The following TRHDE variants were observed in gnomAD, a reference collection of about 807,000 sequenced individuals.
The protein encoded by TRHDE is thyrotropin-releasing hormone-degrading ectoenzyme.
A neutral mutation model predicts 125.7 loss-of-function variants in TRHDE; 72 were observed. The ratio of observed to expected loss-of-function variants is 0.57; its 90% confidence interval spans 0.47 to 0.70. The LOEUF (loss-of-function observed/expected upper bound fraction) is 0.70. TRHDE is among the 30% of genes least tolerant of loss of function. The pLI is 0.00. For missense variants in TRHDE, 1,110 were observed against 1,327.1 expected, an observed-to-expected ratio of 0.84 and a Z score of 2.54; for synonymous variants, 509 against 509.1, an observed-to-expected ratio of 1.00 and a Z score of 0.00.
chr12:72,531,200 CTTAT>C (rs1354971054), intron 6 of TRHDE, among the ~76,000 whole-genome samples: 10 of 151,948 alleles, frequency 6.6e-5, no homozygotes, highest in Non-Finnish European at 1.0e-4. Flanking sequence ...TTAATTTATA[CTTAT>C]TTGTTTGTTA....
intron 2 of TRHDE, among the ~76,000 whole-genome samples, chr12:72,132,802 T>TAGACACTAC (rs1403054306): frequency 2.6e-5 from 4 of 152,152 alleles, no homozygotes; most frequent in Non-Finnish European, 5.9e-5. Flanking sequence ...GACAGACTGA[T>TAGACACTAC]AGACACTACA....
chr12:72,222,342 G>A (rs908336239), intron 2 of TRHDE, among the ~76,000 whole-genome samples: 4 of 152,074 alleles, frequency 2.6e-5, no homozygotes, highest in Non-Finnish European at 5.9e-5. Flanking sequence ...AATATAGCCT[G>A]CCACACTAAG....
intron 2 of TRHDE, among the ~76,000 whole-genome samples, chr12:72,200,388 G>A (rs1161309488): frequency 6.6e-6 from 1 of 152,104 alleles, no homozygotes; most frequent in African/African-American, 2.4e-5. Flanking sequence ...TCATAAGAGG[G>A]CTCCATTTAG....
Position 72,668,398 on chromosome 12 carries a change from CTAG to C in TRHDE, c.*5207_*5209del, listed in dbSNP as rs1875172275. ...AATAGGTTTTTCACCACTGGCCCCA[CTAG>C]TAGATGATTTTACCCCAGATTTTGA... On this transcript the variant is annotated 3_prime_UTR_variant, in exon 19 of 19. Coordinates refer to ENST00000261180, the MANE Select transcript of TRHDE (RefSeq NM_013381.3). The C allele has an allele frequency of 6.6e-6, 1 of 151,696 alleles. No individual in the cohort carries two copies. Among genetic ancestry groups the C allele is most frequent in the Non-Finnish European group, 1.5e-5 (1 of 67,760 alleles). 9.4% of individuals were successfully genotyped at this position (151,696 alleles called of 1,614,324 possible).
intron 2 of TRHDE, among the ~76,000 whole-genome samples, chr12:72,119,924 G>T (rs1875535424): frequency 6.6e-6 from 1 of 152,122 alleles, no homozygotes; most frequent in Non-Finnish European, 1.5e-5. Flanking sequence ...CTTTATAGGT[G>T]AAGTATGTTT....
chr12:72,101,049 T>G (rs1875055387), intron 1 of TRHDE, among the ~76,000 whole-genome samples: 1 of 152,196 alleles, frequency 6.6e-6, no homozygotes, highest in Non-Finnish European at 1.5e-5. Flanking sequence ...CTGACTAATT[T>G]GAATCTATTT....
chr12:72,534,692 A>G (rs771081469), intron 6 of TRHDE, among the ~76,000 whole-genome samples: 12 of 152,124 alleles, frequency 7.9e-5, no homozygotes, highest in Non-Finnish European at 1.5e-4. Flanking sequence ...TAATTCTAAG[A>G]AAAATTTTGA....
intron 2 of TRHDE, among the ~76,000 whole-genome samples, chr12:72,194,002 G>A (rs1877388878): frequency 6.6e-6 from 1 of 151,962 alleles, no homozygotes; most frequent in Non-Finnish European, 1.5e-5. Flanking sequence ...TAAAAATATT[G>A]TCATCTATTA....
chr12:72,561,500 G>A (rs1018172938), intron 7 of TRHDE, among the ~76,000 whole-genome samples: 1 of 152,148 alleles, frequency 6.6e-6, no homozygotes, highest in Non-Finnish European at 1.5e-5. Flanking sequence ...AGAACAAAGT[G>A]TGAATCGGAT....
At chr12:72,470,237 A>G (rs1353118455) in intron 4 of TRHDE, among the ~76,000 whole-genome samples, 1 of 152,196 alleles carries the variant, frequency 6.6e-6, no homozygotes, top group Non-Finnish European at 1.5e-5. Context: ...GTGTGTATAT[A>G]TGGTAAGTGC....
chr12:72,193,467 T>C (rs1877378655), intron 2 of TRHDE, among the ~76,000 whole-genome samples: 1 of 152,160 alleles, frequency 6.6e-6, no homozygotes. Flanking sequence ...GCTTTTTAAA[T>C]GTTAATCTTA....
At chr12:72,113,119 G>A (rs1224382180) in intron 2 of TRHDE, among the ~76,000 whole-genome samples, 1 of 152,120 alleles carries the variant, frequency 6.6e-6, no homozygotes, top group African/African-American at 2.4e-5. Context: ...CCAGGCTCAC[G>A]TGATCCTCCC....
At chr12:72,625,035 C>A (rs748338022) in intron 15 of TRHDE, among the ~76,000 whole-genome samples, 1 of 151,178 alleles carries the variant, frequency 6.6e-6, no homozygotes, top group Non-Finnish European at 1.5e-5. Flanking sequence ...TGCAAATAAG[C>A]AAGAAATAAT....
At chr12:72,226,641 T>TA (rs1878133847) in intron 2 of TRHDE, among the ~76,000 whole-genome samples, 1 of 152,200 alleles carries the variant, frequency 6.6e-6, no homozygotes, top group South Asian at 2.1e-4. Flanking sequence ...AAATAGTAGT[T>TA]ATTTGACTTA....
chr12:72,211,827 A>G (rs599007), intron 2 of TRHDE, among the ~76,000 whole-genome samples: 2 of 152,196 alleles, frequency 1.3e-5, no homozygotes, highest in Non-Finnish European at 1.5e-5. Context: ...AAGTCTTACA[A>G]AGTGCATTTA....
intron 3 of TRHDE, among the ~76,000 whole-genome samples, chr12:72,463,229 A>G (rs891343275): frequency 1.3e-5 from 2 of 152,196 alleles, no homozygotes; most frequent in Admixed American, 6.5e-5. Context: ...CTGAATTGCT[A>G]GGATATTTAT....
At position 72,171,252 on chromosome 12, in the gene TRHDE, G is replaced by GAA. The variant is rs149653500; in HGVS notation, n.279+65509_279+65510dup. On this transcript the variant is annotated intron_variant and non_coding_transcript_variant, in intron 2 of 4. Coordinates refer to the TRHDE transcript ENST00000548156. ...AAAGAGGCCTTATCTAAATGTCCAA[G>GAA]AAAAAAAAAATAGGATTAGTTTTGT... is the stretch of plus-strand genomic sequence containing the variant. Among the ~76,000 whole-genome samples the GAA allele has an allele frequency of 3.3e-3, 484 of 148,578 alleles. 5 individuals carry two copies. The highest frequency in any genetic ancestry group is 0.011 in the African/African-American group (446 of 40,792).
Position 72,482,213 on chromosome 12 carries a change from C to T in TRHDE, c.1584+9033C>T, listed in dbSNP as rs547299695. Among the ~76,000 whole-genome samples the T allele has an allele frequency of 1.1e-3, 169 of 150,966 alleles. 1 individual carries two copies. The highest frequency in any genetic ancestry group is 2.3e-3 in the Non-Finnish European group (158 of 67,718). On this transcript the variant is annotated intron_variant, in intron 5 of 18. Coordinates refer to ENST00000261180, the MANE Select transcript of TRHDE (RefSeq NM_013381.3). ...TTGTATACTTTGTATTTATCTTTTG[C>T]TTGGTGGCTTCAGTTAGTAGATGTG...
intron 2 of TRHDE, among the ~76,000 whole-genome samples, chr12:72,203,635 A>G (rs1877607876): frequency 6.6e-6 from 1 of 152,220 alleles, no homozygotes; most frequent in African/African-American, 2.4e-5. Flanking sequence ...ACCACACACC[A>G]GCACAGGCCT....
Sources: gnomAD v4.1 joint callset for allele counts (sites outside exome capture counted in the v4.1 genomes callset) on GRCh38, gnomAD v4.1.1 for gene constraint, MANE v1.5 for transcripts, NCBI Gene and HGNC (gene_info 2026-07-23, HGNC 2026-07-21) for gene names.